GLYR1: variants seen among roughly 807,000 people sequenced by gnomAD.
GLYR1 encodes the protein glyoxylate reductase 1 homolog.
GLYR1 carries 21 observed loss-of-function variants against 72.7 expected under a neutral mutation model. The observed-to-expected ratio is 0.29, with a 90% confidence interval of 0.20 to 0.42. The LOEUF is 0.42. GLYR1 is among the 10% of genes least tolerant of loss of function. GLYR1 has a pLI of 1.00. For missense variants in GLYR1, 594 were observed against 712.1 expected (o/e 0.83, Z 1.89); for synonymous variants, 392 against 270.2 (o/e 1.45, Z -4.42).
At chr16:4,813,643 G>T in intron 12 of GLYR1, 94 bp downstream of exon 12, 1 of 1,073,574 alleles carries the variant, frequency 9.3e-7, no homozygotes, top group Non-Finnish European at 1.4e-6. Context: ...TCTGGCTTTG[G>T]CTCTAGAGTA....
intron 3 of GLYR1, among the ~76,000 whole-genome samples, chr16:4,835,473 T>C (rs2085069042): frequency 1.3e-5 from 2 of 152,178 alleles, no homozygotes; most frequent in South Asian, 4.1e-4. Flanking sequence ...CAAGAAATGT[T>C]AATCTATTTA....
intron 3 of GLYR1, chr16:4,840,047 G>GTCCA (rs1370996012): frequency 6.6e-6 from 1 of 152,228 alleles, no homozygotes; most frequent in Non-Finnish European, 1.5e-5. Flanking sequence ...GCGAGGTGCA[G>GTCCA]TCCAGCTTCT....
intron 9 of GLYR1, chr16:4,818,063 C>A (rs1318632937): frequency 5.6e-6 from 1 of 178,768 alleles, no homozygotes; most frequent in Non-Finnish European, 1.2e-5. Flanking sequence ...GGCGCGAGCT[C>A]AGCTCACTGC....
At chr16:4,834,900 C>A (rs1567780657) in intron 3 of GLYR1, among the ~76,000 whole-genome samples, 3 of 152,146 alleles carry the variant, frequency 2.0e-5, no homozygotes. Context: ...GACTCCGTTC[C>A]CTCTCCTTAC....
chr16:4,817,489 G>C, intron 10 of GLYR1, 109 bp downstream of exon 10: 1 of 681,738 alleles, frequency 1.5e-6, no homozygotes, highest in Non-Finnish European at 2.6e-6. Flanking sequence ...CTAAAAGCTT[G>C]GCTTCTATTC....
intron 6 of GLYR1, among the ~76,000 whole-genome samples, chr16:4,823,500 T>A (rs907550067): frequency 6.6e-5 from 10 of 151,986 alleles, no homozygotes; most frequent in Non-Finnish European, 1.5e-4. Context: ...TATAAAATAT[T>A]AGGGGAAAAA....
intron 10 of GLYR1, among the ~76,000 whole-genome samples, chr16:4,816,281 C>T (rs1006593457): frequency 1.1e-4 from 16 of 152,094 alleles, no homozygotes; most frequent in African/African-American, 3.9e-4. Flanking sequence ...GTAGCTGGGA[C>T]TATAGTAGGC....
At chr16:4,824,919 T>A (rs1334909328) in intron 5 of GLYR1, among the ~76,000 whole-genome samples, 1 of 152,138 alleles carries the variant, frequency 6.6e-6, no homozygotes, top group Non-Finnish European at 1.5e-5. Flanking sequence ...AAACGCCTGC[T>A]CCATTCTACT....
intron 15 of GLYR1, among the ~76,000 whole-genome samples, chr16:4,808,525 G>C (rs2083132259): frequency 1.3e-5 from 2 of 152,050 alleles, no homozygotes; most frequent in South Asian, 4.1e-4. Context: ...TTGAACCCAG[G>C]AGGCAGAGGT....
chr16:4,840,221 A>C (rs2085451366), intron 3 of GLYR1: 1 of 152,552 alleles, frequency 6.6e-6, no homozygotes, highest in Admixed American at 6.5e-5. Context: ...GCCCATCGCC[A>C]AACTCCTCTA....
rs542406917 is a variant in GLYR1 at position 4,811,996 on chromosome 16, G to A, written c.1282+90C>T. On this transcript the variant is annotated intron_variant, in intron 13 of 15. Transcript: ENST00000321919. ...GAAACCTTCCCCAGGGTCCCCGGCA[G>A]AAAGGCCGTGTGGGACTGACGCTGT... 7 of 1,507,382 alleles carry A rather than the reference G, an allele frequency of 4.6e-6. No individual in the cohort carries two copies. The Admixed American group carries it at 6.3e-5, about 14-fold the overall frequency. 93.4% of individuals were successfully genotyped at this position (1,507,382 alleles called of 1,614,324 possible).
chr16:4,814,437 A>T (rs994483913), intron 11 of GLYR1, 100 bp downstream of exon 11: 1 of 869,598 alleles, frequency 1.1e-6, no homozygotes, highest in African/African-American at 1.6e-5. Context: ...AGCCCCCCAC[A>T]TGTGGACACT....
chr16:4,831,091 G>C (rs1235197295), intron 5 of GLYR1, among the ~76,000 whole-genome samples: 2 of 152,218 alleles, frequency 1.3e-5, no homozygotes, highest in East Asian at 3.9e-4. Context: ...TTTTAAGAAA[G>C]TGATGACCAC....
At chr16:4,837,611 G>A (rs535219470) in intron 3 of GLYR1, among the ~76,000 whole-genome samples, 5 of 152,076 alleles carry the variant, frequency 3.3e-5, no homozygotes, top group African/African-American at 1.2e-4. Flanking sequence ...GGCAGGGGGA[G>A]GGAGACAGAC....
chr16:4,814,364 A>C (rs8056880), intron 11 of GLYR1, among the ~76,000 whole-genome samples, 173 bp downstream of exon 11: 2,552 of 152,350 alleles, frequency 0.017, 78 homozygotes, highest in African/African-American at 0.058. Flanking sequence ...GAATTAAAGG[A>C]AGTCTGTATT....
In GLYR1 at chr16:4,817,673, G is replaced by C. The variant is rs779951611; in HGVS notation, c.831C>G (p.Leu277=). The change falls in exon 10 of 16, where the codon CTC becomes CTG. Residue 277 remains leucine (L), a synonymous_variant. Coordinates refer to ENST00000321919, the MANE Select transcript of GLYR1 (RefSeq NM_032569.4). ...DKKIGFLGLG[L]MGSGIVSNLL... ...AGTTGGAGACGATTCCACTTCCCAT[G>C]AGACCAAGGCCCAAAAATCCTATCC... 7.2e-5 allele frequency: 116 copies of C among 1,612,762 alleles called. No individual in the cohort carries two copies. The highest frequency in any genetic ancestry group is 9.5e-5 in the Non-Finnish European group (112 of 1,178,932).
Position 4,803,410 on chromosome 16 carries a change from T to TA in GLYR1, c.*1825dup, listed in dbSNP as rs1807630612. ...TAAAGAAAAAAGGGAGGGGCTTTCTTACAAGCTTTTTCACAAGTGTCACAT... is the reference window on the plus strand; with the variant it reads ...TAAAGAAAAAAGGGAGGGGCTTTCTTAACAAGCTTTTTCACAAGTGTCACAT... On this transcript the variant is annotated 3_prime_UTR_variant, in exon 16 of 16. Coordinates refer to ENST00000321919, the MANE Select transcript of GLYR1 (RefSeq NM_032569.4). 6.5e-6 allele frequency: 1 copy of TA among 152,794 alleles called. No individual in the cohort carries two copies. 9.5% of individuals were successfully genotyped at this position (152,794 alleles called of 1,614,324 possible).
In GLYR1 at chr16:4,837,929, CAAAAAATA is replaced by C. The variant is rs1216874303; in HGVS notation, c.156-5025_156-5018del. On this transcript the variant is annotated intron_variant, in intron 3 of 15. Transcript: ENST00000321919. ...CTGGCGACAGAGCGAGACTCCATCT[CAAAAAATA>C]AATAAATAAATAAATAAATAAATAA... Among the ~76,000 whole-genome samples the C allele has an allele frequency of 1.1e-3, 142 of 133,478 alleles. 1 individual carries two copies. Among genetic ancestry groups the C allele is most frequent in the Middle Eastern group, 3.8e-3 (1 of 260 alleles). The allele number at this position is 133,478 out of a possible 152,430, so 87.6% of individuals were successfully genotyped here.
chr16:4,828,345 A>G (rs1322706612), intron 5 of GLYR1, among the ~76,000 whole-genome samples: 1 of 152,072 alleles, frequency 6.6e-6, no homozygotes. Context: ...CTGGGATTAC[A>G]GGCGTGAGCC....
Sources: gnomAD v4.1 joint callset for allele counts (sites outside exome capture counted in the v4.1 genomes callset) on GRCh38, gnomAD v4.1.1 for gene constraint, MANE v1.5 for transcripts, NCBI Gene and HGNC (gene_info 2026-07-23, HGNC 2026-07-21) for gene names.